CCDC15: variants seen among roughly 807,000 people sequenced by gnomAD.
CCDC15 encodes the protein coiled-coil domain containing 15.
A neutral mutation model predicts 114.5 loss-of-function variants in CCDC15; 105 were observed. The ratio of observed to expected loss-of-function variants is 0.92; its 90% CI spans 0.78 to 1.08. The LOEUF is 1.08. CCDC15 is among the 50% of genes least tolerant of loss of function. The probability of loss-of-function intolerance (pLI) is 0.00; values close to 1 mark genes in which losing one functional copy is unlikely to be tolerated. For synonymous variants in CCDC15, 334 were observed against 377.8 expected, an observed-to-expected ratio of 0.88 and a Z score of 1.34; for missense variants, 1,105 against 1,093.6, an observed-to-expected ratio of 1.01 and a Z score of -0.15.
At chr11:125,022,453 G>A (rs1948667597) in intron 13 of CCDC15, among the ~76,000 whole-genome samples, 1 of 151,926 alleles carries the variant, frequency 6.6e-6, no homozygotes, top group South Asian at 2.1e-4. Context: ...AAATATGGGA[G>A]AATAGTTGTA....
intron 13 of CCDC15, among the ~76,000 whole-genome samples, chr11:125,014,705 T>C (rs1296162453): frequency 6.6e-6 from 1 of 152,188 alleles, no homozygotes; most frequent in Non-Finnish European, 1.5e-5. Context: ...GGCAAGGATG[T>C]AGAACAGCTG....
At chr11:125,016,363 C>A (rs1276964389) in intron 13 of CCDC15, among the ~76,000 whole-genome samples, 2 of 151,366 alleles carry the variant, frequency 1.3e-5, no homozygotes, top group Non-Finnish European at 2.9e-5. Flanking sequence ...AAAACTGTTG[C>A]AATAAAAAAG....
intron 11 of CCDC15, 85 bp downstream of exon 11, chr11:124,993,328 C>CT (rs950771552): frequency 5.1e-4 from 441 of 856,518 alleles, no homozygotes; most frequent in Non-Finnish European, 6.3e-4. Flanking sequence ...GTGTAAATTG[C>CT]TTTTTTTTTG....
intron 4 of CCDC15, among the ~76,000 whole-genome samples, chr11:124,974,019 G>A (rs1013418940): frequency 6.6e-6 from 1 of 152,054 alleles, no homozygotes; most frequent in Non-Finnish European, 1.5e-5. Context: ...CTGTTGCCCA[G>A]GCTGGAGTGC....
chr11:124,992,695 C>A lies in CCDC15; in HGVS notation c.2139+8C>A. ...GACTCCCCTAGAGAACAGGTAGAACCGAATACAGTAGGAGGACTGTATACC... is the reference window on the plus strand; with the variant it reads ...GACTCCCCTAGAGAACAGGTAGAACAGAATACAGTAGGAGGACTGTATACC... On this transcript the variant is annotated splice_region_variant and intron_variant, in intron 10 of 15. Transcript: ENST00000344762. The A allele has an allele frequency of 4.1e-6, 6 of 1,453,182 alleles. No homozygotes were observed. The highest frequency in any genetic ancestry group is 1.2e-5 in the South Asian group (1 of 83,146). 90.0% of individuals were successfully genotyped at this position (1,453,182 alleles called of 1,614,324 possible).
chr11:125,006,891 A>G (rs758727371), intron 13 of CCDC15, among the ~76,000 whole-genome samples: 13 of 152,112 alleles, frequency 8.5e-5, no homozygotes, highest in East Asian at 1.9e-4. Flanking sequence ...CTATTTGTCT[A>G]TTCTTTTGCC....
chr11:124,974,891 A>G (rs558897505), intron 4 of CCDC15, among the ~76,000 whole-genome samples: 2 of 152,360 alleles, frequency 1.3e-5, no homozygotes, highest in Non-Finnish European at 2.9e-5. Context: ...CCTTAAACCA[A>G]GTTACAAAGT....
intron 10 of CCDC15, 69 bp downstream of exon 10, chr11:124,992,756 T>G (rs1948293548): frequency 2.3e-6 from 2 of 868,716 alleles, no homozygotes; most frequent in Admixed American, 2.5e-5. Flanking sequence ...CATATTAACA[T>G]TGAGGCTGAA....
chr11:125,028,491 A>G (rs945201449), intron 13 of CCDC15, among the ~76,000 whole-genome samples: 2 of 152,062 alleles, frequency 1.3e-5, no homozygotes, highest in East Asian at 1.9e-4. Flanking sequence ...TTGGTTAAGT[A>G]TATTCCTAAG....
chr11:125,040,138 T>C (rs1024474692), intron 15 of CCDC15, among the ~76,000 whole-genome samples: 3 of 151,856 alleles, frequency 2.0e-5, no homozygotes, highest in African/African-American at 4.8e-5. Flanking sequence ...CTCTGCCTCC[T>C]GGGTTCAAGC....
rs764989131 is a variant in CCDC15 at position 124,987,205 on chromosome 11, G to C, written c.979G>C (p.Asp327His). Reference sequence around the variant, plus strand: ...GCAGTTACATTTTGAGGGCCTTCAGGATATTCTGCCAGAAGCCCAGGATTA... The same window carrying C: ...GCAGTTACATTTTGAGGGCCTTCAGCATATTCTGCCAGAAGCCCAGGATTA... ...QKQLHFEGLQDILPEAQDYFL... is the reference protein window; with the variant it reads ...QKQLHFEGLQHILPEAQDYFL... Residue 327 changes from aspartate to histidine, a missense_variant, in exon 8 of 16, where the codon GAT becomes CAT. Physicochemically the swap from Asp to His is moderately conservative, Grantham distance 81. Transcript: ENST00000344762. The C allele has an allele frequency of 1.3e-6, 2 of 1,535,600 alleles. No individual in the cohort carries two copies. Among genetic ancestry groups the C allele is most frequent in the East Asian group, 2.3e-5 (1 of 44,436 alleles).
chr11:124,972,128 C>A (rs535576185), intron 4 of CCDC15, among the ~76,000 whole-genome samples: 1 of 152,088 alleles, frequency 6.6e-6, no homozygotes, highest in East Asian at 1.9e-4. Context: ...TTTTCATTTG[C>A]TAGGTTTTCT....
chr11:125,026,830 A>C (rs559821616), intron 13 of CCDC15, among the ~76,000 whole-genome samples: 1 of 152,034 alleles, frequency 6.6e-6, no homozygotes, highest in Non-Finnish European at 1.5e-5. Flanking sequence ...ATTTTGGTGC[A>C]CCCGTCACCC....
chr11:124,973,745 C>G (rs182195453), intron 4 of CCDC15, among the ~76,000 whole-genome samples: 1 of 152,098 alleles, frequency 6.6e-6, no homozygotes, highest in East Asian at 1.9e-4. Flanking sequence ...ACCTCTCCTA[C>G]CTCAGCCTCT....
rs1424920573 is a variant in CCDC15 at position 124,987,996 on chromosome 11, A to G, written c.1770A>G (p.Gln590=). ...CQDQDFLPRD[Q]GYLPKDQNIL... is the part of the protein sequence containing the mutation. Reference sequence around the variant, plus strand: ...ACCAGGATTTTCTACCCAGAGACCAAGGTTATCTTCCTAAAGACCAAAATA... The same window carrying G: ...ACCAGGATTTTCTACCCAGAGACCAGGGTTATCTTCCTAAAGACCAAAATA... The change falls in exon 8 of 16, where the codon CAA becomes CAG. Residue 590 remains glutamine (Q), a synonymous_variant. Transcript: ENST00000344762. 6.2e-7 allele frequency: 1 copy of G among 1,613,698 alleles called. No homozygotes were observed. Among genetic ancestry groups the G allele is most frequent in the Admixed American group, 1.7e-5 (1 of 60,000 alleles).
At position 124,959,948 on chromosome 11, in the gene CCDC15, A is replaced by T; in HGVS notation, c.461A>T (p.Asp154Val). 6.3e-7 allele frequency: 1 copy of T among 1,584,784 alleles called. No individual in the cohort carries two copies. Among genetic ancestry groups the T allele is most frequent in the African/African-American group, 1.3e-5 (1 of 74,624 alleles). ...SRLPPSLMPG[D>V]GIEDEENQNE... ...TTACCTCCTTCCCTGATGCCTGGGG[A>T]TGGAATAGAGGATGAAGAGAATCAG... The change falls in exon 4 of 16, where the codon GAT (aspartate) becomes GTT (valine). Residue 154 changes from aspartate (D) to valine (V), a missense_variant. By Grantham distance (152) the Asp-to-Val change is radical (BLOSUM62 -3). Coordinates refer to ENST00000344762, the MANE Select transcript of CCDC15 (RefSeq NM_025004.3).
chr11:125,031,675 C>T (rs529051153), intron 13 of CCDC15, among the ~76,000 whole-genome samples: 2 of 152,310 alleles, frequency 1.3e-5, no homozygotes, highest in Non-Finnish European at 1.5e-5. Context: ...TTGTGATTCA[C>T]CTATGAGGGC....
At chr11:125,014,457 A>T (rs982559800) in intron 13 of CCDC15, among the ~76,000 whole-genome samples, 1 of 152,226 alleles carries the variant, frequency 6.6e-6, no homozygotes, top group Non-Finnish European at 1.5e-5. Flanking sequence ...ACAAGATACT[A>T]GTATTAGTAG....
At chr11:124,966,066 T>C (rs1397570127) in intron 4 of CCDC15, among the ~76,000 whole-genome samples, 2 of 152,192 alleles carry the variant, frequency 1.3e-5, no homozygotes, top group Non-Finnish European at 2.9e-5. Flanking sequence ...TCCAACTATA[T>C]GGTCAATTTT....
Sources: gnomAD v4.1 joint callset for allele counts (sites outside exome capture counted in the v4.1 genomes callset) on GRCh38, gnomAD v4.1.1 for gene constraint, MANE v1.5 for transcripts, NCBI Gene and HGNC (gene_info 2026-07-23, HGNC 2026-07-21) for gene names.